Variants in MALRD1 observed in about 807,000 individuals in gnomAD.
MALRD1 encodes MAM and LDL receptor class A domain containing 1, also known as MAM and LDL-receptor class A domain-containing protein 1.
A neutral mutation model predicts 242.1 loss-of-function variants in MALRD1; 247 were observed. The observed-to-expected ratio is 1.02, with a 90% CI of 0.92 to 1.13. MALRD1 has a LOEUF of 1.13. MALRD1 is among the 50% of genes most tolerant of loss of function. MALRD1 has a pLI of 0.00. For synonymous variants in MALRD1, 995 were observed against 866.6 expected, an observed-to-expected ratio of 1.15 and a Z score of -2.60; for missense variants, 2,989 against 2,533.1, an observed-to-expected ratio of 1.18 and a Z score of -3.86.
intron 7 of MALRD1, 94 bp from the exon 8 acceptor site, chr10:19,128,127 C>T: frequency 1.2e-6 from 1 of 860,124 alleles, no homozygotes; most frequent in Non-Finnish European, 1.5e-6. Context: ...TGTTTTAAGT[C>T]TAGTTTTGAA....
At chr10:19,485,439 C>A (rs1342448916) in intron 29 of MALRD1, among the ~76,000 whole-genome samples, 1 of 152,028 alleles carries the variant, frequency 6.6e-6, no homozygotes. Context: ...GTCAGGAGAT[C>A]GAGACCATTC....
intron 33 of MALRD1, among the ~76,000 whole-genome samples, chr10:19,571,616 A>G (rs181160234): frequency 2.2e-3 from 330 of 152,314 alleles, no homozygotes; most frequent in Middle Eastern, 6.8e-3. Flanking sequence ...TAGTTGTTAA[A>G]AAATGCAAGA....
intron 33 of MALRD1, among the ~76,000 whole-genome samples, chr10:19,593,333 A>G (rs1036661806): frequency 6.6e-6 from 1 of 152,200 alleles, no homozygotes; most frequent in African/African-American, 2.4e-5. Context: ...TCTCAGATAC[A>G]TGGCTTTGGT....
intron 28 of MALRD1, among the ~76,000 whole-genome samples, chr10:19,417,055 T>C (rs915971032): frequency 6.6e-6 from 1 of 152,194 alleles, no homozygotes; most frequent in Non-Finnish European, 1.5e-5. Context: ...TTTTAGCTTA[T>C]GGGATACCAT....
chr10:19,225,073 A>G (rs1344218043), intron 18 of MALRD1, among the ~76,000 whole-genome samples: 1 of 152,152 alleles, frequency 6.6e-6, no homozygotes, highest in Non-Finnish European at 1.5e-5. Flanking sequence ...CAGTTTTCCC[A>G]TCACCATTTA....
intron 10 of MALRD1, among the ~76,000 whole-genome samples, chr10:19,139,644 C>T (rs187042805): frequency 3.9e-5 from 6 of 152,202 alleles, no homozygotes; most frequent in South Asian, 2.1e-4. Flanking sequence ...CCTTACTTTT[C>T]GGTATTATTT....
At chr10:19,331,858 G>A (rs1219594800) in intron 24 of MALRD1, among the ~76,000 whole-genome samples, 1 of 152,044 alleles carries the variant, frequency 6.6e-6, no homozygotes, top group Non-Finnish European at 1.5e-5. Context: ...ATGGAAACAA[G>A]TATTTTTCAT....
In MALRD1 at chr10:19,227,739, A is replaced by G. The variant is rs73593851; in HGVS notation, c.2991+18059A>G. Among the ~76,000 whole-genome samples the G allele has an allele frequency of 6.1e-3, 934 of 152,290 alleles. 12 individuals carry two copies. The highest frequency in any genetic ancestry group is 0.021 in the African/African-American group (891 of 41,564). ...AACTTTCATCTAGAATGTACACATA[A>G]CTAAAAAACTAAATAACAAAACACA... On this transcript the variant is annotated intron_variant, in intron 18 of 39. Coordinates refer to ENST00000454679, the MANE Select transcript of MALRD1 (RefSeq NM_001142308.3).
At chr10:19,625,461 T>C (rs1839611431) in intron 36 of MALRD1, among the ~76,000 whole-genome samples, 1 of 152,058 alleles carries the variant, frequency 6.6e-6, no homozygotes. Flanking sequence ...ATATCCTCTC[T>C]AGAACATTCC....
At position 19,708,504 on chromosome 10, in the gene MALRD1, A is replaced by ATTTT. The variant is rs35508391; in HGVS notation, c.6314+15969_6314+15972dup. On this transcript the variant is annotated intron_variant, in intron 38 of 39. Coordinates refer to ENST00000454679, the MANE Select transcript of MALRD1 (RefSeq NM_001142308.3). ...AGGCATGTACCCAACACTCCCAGCT[A>ATTTT]TTTTTTTTTTTTTTTTTTTTTTGTA... 2.6e-3 allele frequency among the ~76,000 whole-genome samples: 146 copies of ATTTT among 56,828 alleles called. 19 individuals are homozygous for ATTTT. In the East Asian group the frequency reaches 0.048, roughly 19 times the overall value. The allele number at this position is 56,828 out of a possible 152,430, so 37.3% of individuals were successfully genotyped here. A position where few individuals can be genotyped will look rare whatever the true frequency, so the allele number is the denominator to read the frequency against.
At chr10:19,409,084 T>A in intron 28 of MALRD1, among the ~76,000 whole-genome samples, 1 of 152,188 alleles carries the variant, frequency 6.6e-6, no homozygotes, top group East Asian at 1.9e-4. Context: ...ACAACCCAGA[T>A]GGCCTTCAGT....
chr10:19,394,733 G>A (rs950299617), intron 28 of MALRD1, among the ~76,000 whole-genome samples: 1 of 152,124 alleles, frequency 6.6e-6, no homozygotes, highest in Non-Finnish European at 1.5e-5. Context: ...GTTCCAGTGA[G>A]CCTTTGCTTT....
intron 26 of MALRD1, among the ~76,000 whole-genome samples, chr10:19,364,714 A>G (rs1564596485): frequency 6.6e-6 from 1 of 152,146 alleles, no homozygotes; most frequent in Non-Finnish European, 1.5e-5. Context: ...GAAACTGAAT[A>G]TATTACATAT....
At chr10:19,261,695 A>C (rs1361487034) in intron 19 of MALRD1, among the ~76,000 whole-genome samples, 1 of 151,816 alleles carries the variant, frequency 6.6e-6, no homozygotes, top group Non-Finnish European at 1.5e-5. Context: ...GTGGGTTTCT[A>C]TCTTACCTAC....
At chr10:19,388,888 A>G (rs1350907725) in intron 27 of MALRD1, among the ~76,000 whole-genome samples, 3 of 151,282 alleles carry the variant, frequency 2.0e-5, no homozygotes, top group East Asian at 1.9e-4. Flanking sequence ...ACTGAAAAAA[A>G]AAAAAAAAAA....
chr10:19,281,655 C>G (rs548533632), intron 20 of MALRD1, among the ~76,000 whole-genome samples: 48 of 152,090 alleles, frequency 3.2e-4, no homozygotes, highest in South Asian at 1.0e-3. Flanking sequence ...GATTTTCTAA[C>G]TGATTTTGAA....
At chr10:19,679,793 C>G (rs1371909008) in intron 36 of MALRD1, among the ~76,000 whole-genome samples, 3 of 152,090 alleles carry the variant, frequency 2.0e-5, no homozygotes, top group Non-Finnish European at 4.4e-5. Flanking sequence ...GGATTTAGTG[C>G]TACAAATTTC....
chr10:19,059,983 A>G (rs370590697), intron 1 of MALRD1, among the ~76,000 whole-genome samples: 105 of 152,338 alleles, frequency 6.9e-4, no homozygotes, highest in African/African-American at 2.3e-3. Flanking sequence ...TATATTAGCA[A>G]AGGCAGTCAA....
chr10:19,133,923 T>TA lies in MALRD1; in HGVS notation c.1179dup (p.Pro394ThrfsTer8). On this transcript the variant is annotated frameshift_variant, in exon 9 of 40. Coordinates refer to ENST00000454679, the MANE Select transcript of MALRD1 (RefSeq NM_001142308.3). LOFTEE classifies it high-confidence loss of function. Reference sequence around the variant, plus strand: ...CAATGGGTGAAAGCAGATGTGTTAATACCAGAAGATCTGAAGACATTTAAG... The same window carrying TA: ...CAATGGGTGAAAGCAGATGTGTTAATAACCAGAAGATCTGAAGACATTTAAG... 1 of 1,229,682 alleles carries TA rather than the reference T, an allele frequency of 8.1e-7. No homozygotes were observed. The highest frequency in any genetic ancestry group is 1.6e-5 in the African/African-American group (1 of 64,410). The allele number at this position is 1,229,682 out of a possible 1,614,324, so 76.2% of individuals were successfully genotyped here.
Sources: allele counts gnomAD v4.1 joint callset (sites outside exome capture counted in the v4.1 genomes callset), GRCh38; gene constraint gnomAD v4.1.1; transcripts MANE v1.5; gene names NCBI Gene and HGNC (gene_info 2026-07-23, HGNC 2026-07-21).